Variants in ALPK1 observed in about 807,000 individuals in gnomAD.
ALPK1 encodes the protein alpha kinase 1, also known as alpha-protein kinase 1.
Under a neutral mutation model 120.6 loss-of-function variants are expected in ALPK1, and 110 were observed. The ratio of observed to expected loss-of-function variants is 0.91; its 90% confidence interval spans 0.78 to 1.07. The LOEUF (loss-of-function observed/expected upper bound fraction) is 1.07. Among genes scored for constraint, ALPK1 ranks in the 50% least tolerant of loss-of-function variants. The pLI is 0.00. For synonymous variants in ALPK1, 582 were observed against 560.3 expected, an observed-to-expected ratio of 1.04 and a Z score of -0.55; for missense variants, 1,498 against 1,483.9, an observed-to-expected ratio of 1.01 and a Z score of -0.16.
At position 112,430,716 on chromosome 4, in the gene ALPK1, A is replaced by G; in HGVS notation, c.1169A>G (p.Tyr390Cys). ...TGTAAGGAAGCAATGGGGAAGCTGT[A>G]CAATTTCAGCACTTCCTCCAGAAGT... ...QLCKEAMGKL[Y>C]NFSTSSRSQD... The change falls in exon 11 of 16, where the codon TAC becomes TGC. Residue 390 changes from tyrosine to cysteine, a missense_variant. Transcript: ENST00000650871. 6.2e-7 allele frequency: 1 copy of G among 1,614,250 alleles called. No individual in the cohort carries two copies. The highest frequency in any genetic ancestry group is 8.5e-7 in the Non-Finnish European group (1 of 1,180,046).
In ALPK1 at chr4:112,432,245, G is replaced by C. The variant is rs780458449; in HGVS notation, c.2698G>C (p.Val900Leu). ...SSVSGNILFP[V>L]LSEDCTTTEE... ...TGTAAGCGGTAACATCCTCTTCCCTGTCCTCAGCGAGGACTGCACTACCAC... is the reference window on the plus strand; with the variant it reads ...TGTAAGCGGTAACATCCTCTTCCCTCTCCTCAGCGAGGACTGCACTACCAC... The change falls in exon 11 of 16, where the codon GTC (valine) becomes CTC (leucine). Residue 900 changes from valine to leucine, a missense_variant. Coordinates refer to ENST00000650871, the MANE Select transcript of ALPK1 (RefSeq NM_025144.4). The C allele has an allele frequency of 8.7e-6, 14 of 1,614,054 alleles. No individual in the cohort carries two copies.
At position 112,441,780 on chromosome 4, in the gene ALPK1, T is replaced by C. The variant is rs1735049820; in HGVS notation, c.*570T>C. 6.5e-6 allele frequency: 1 copy of C among 152,696 alleles called. No homozygotes were observed. Among genetic ancestry groups the C allele is most frequent in the Non-Finnish European group, 1.5e-5 (1 of 68,412 alleles). The allele number at this position is 152,696 out of a possible 1,614,324, so 9.5% of individuals were successfully genotyped here. On this transcript the variant is annotated 3_prime_UTR_variant, in exon 16 of 16. Coordinates refer to ENST00000650871, the MANE Select transcript of ALPK1 (RefSeq NM_025144.4). ...TTTCTTTCTTTTTAATTCTCCTGTA[T>C]TTCCTTCTAGTATAATTAAATCTGT...
chr4:112,419,537 A>T (rs1733897303), intron 5 of ALPK1, among the ~76,000 whole-genome samples: 1 of 152,086 alleles, frequency 6.6e-6, no homozygotes, highest in South Asian at 2.1e-4. Context: ...GAAAGGAAGG[A>T]TGAAAGGAAA....
intron 2 of ALPK1, among the ~76,000 whole-genome samples, chr4:112,325,415 G>A (rs973760486): frequency 4.6e-5 from 7 of 152,110 alleles, no homozygotes; most frequent in Non-Finnish European, 1.0e-4. Context: ...ATGAAATATC[G>A]TATCCTCTCA....
chr4:112,429,006 C>T, intron 9 of ALPK1, 143 bp from the exon 10 acceptor site: 1 of 740,696 alleles, frequency 1.4e-6, no homozygotes, highest in South Asian at 1.5e-5. Flanking sequence ...GACCCACTTA[C>T]TCTTTCTTTA....
Position 112,430,507 on chromosome 4 carries a change from GA to G in ALPK1, c.965del (p.Asn322ThrfsTer90). 1.2e-6 allele frequency: 2 copies of G among 1,613,822 alleles called. No individual in the cohort carries two copies. Among genetic ancestry groups the G allele is most frequent in the Non-Finnish European group, 1.7e-6 (2 of 1,179,850 alleles). ...SSSNDCPPEL[K>X]NLHLCEAKEA... ...GTTCAAATGACTGTCCTCCAGAATT[GA>G]AAAACTTACATCTGTGTGAAGCCAA... On this transcript the variant is annotated frameshift_variant, in exon 11 of 16. Transcript: ENST00000650871. LOFTEE classifies it high-confidence loss of function.
chr4:112,438,491 G>A lies in ALPK1; in HGVS notation c.3196G>A (p.Gly1066Arg). The A allele has an allele frequency of 6.2e-7, 1 of 1,613,094 alleles. No homozygotes were observed. The highest frequency in any genetic ancestry group is 8.5e-7 in the Non-Finnish European group (1 of 1,179,462). The change falls in exon 13 of 16, where the codon GGG becomes AGG. Residue 1066 changes from glycine (G) to arginine (R), a missense_variant. Physicochemically the swap from Gly to Arg is moderately radical, Grantham distance 125 (BLOSUM62 -2). Transcript: ENST00000650871. ...GATTTTCTTTGTTCATAGGTATGTT[G>A]GGAAAGACTATAAGGAGCAGAAGGG... ...HQEEILGRYV[G>R]KDYKEQKGLW...
At chr4:112,426,198 A>G in intron 7 of ALPK1, 1 of 239,744 alleles carries the variant, frequency 4.2e-6, no homozygotes, top group Non-Finnish European at 7.9e-6. Flanking sequence ...GGCAATTATT[A>G]TTTTTGTAAA....
At chr4:112,338,385 A>T (rs1729718085) in intron 2 of ALPK1, among the ~76,000 whole-genome samples, 1 of 152,236 alleles carries the variant, frequency 6.6e-6, no homozygotes, top group Non-Finnish European at 1.5e-5. Context: ...TTTTTTCTAT[A>T]CTTTTTTTCT....
At chr4:112,435,116 A>G (rs763689072) in intron 11 of ALPK1, 32 bp from the exon 12 acceptor site, 2 of 1,592,914 alleles carry the variant, frequency 1.3e-6, no homozygotes, top group Non-Finnish European at 1.7e-6. Context: ...CCTTTTGAAA[A>G]TAAGATTCAT....
rs1187643030 is a variant in ALPK1 at position 112,442,109 on chromosome 4, C to G, written c.*899C>G. On this transcript the variant is annotated 3_prime_UTR_variant, in exon 16 of 16. Transcript: ENST00000650871. ...GTGCCAGCAGGGGAAATGCCAGATGCTTATAAAGCCATCAGATCTTGTGAG... is the reference window on the plus strand; with the variant it reads ...GTGCCAGCAGGGGAAATGCCAGATGGTTATAAAGCCATCAGATCTTGTGAG... The G allele has an allele frequency of 1.3e-5, 2 of 152,436 alleles. No homozygotes were observed. The highest frequency in any genetic ancestry group is 2.9e-5 in the Non-Finnish European group (2 of 68,268). The allele number at this position is 152,436 out of a possible 1,614,324, so 9.4% of individuals were successfully genotyped here. A position where few individuals can be genotyped will look rare whatever the true frequency, so the allele number is the denominator to read the frequency against.
intron 4 of ALPK1, among the ~76,000 whole-genome samples, chr4:112,385,139 C>T (rs1282900527): frequency 6.6e-6 from 1 of 152,148 alleles, no homozygotes; most frequent in African/African-American, 2.4e-5. Context: ...CACCAGATCC[C>T]CTGAGCCCTG....
intron 2 of ALPK1, among the ~76,000 whole-genome samples, chr4:112,328,339 A>G (rs1175651565): frequency 6.6e-6 from 1 of 152,264 alleles, no homozygotes; most frequent in Admixed American, 6.5e-5. Context: ...AGCAAGAAGT[A>G]TCAAATGGGG....
At chr4:112,397,093 T>G (rs1732686248) in intron 4 of ALPK1, among the ~76,000 whole-genome samples, 1 of 152,174 alleles carries the variant, frequency 6.6e-6, no homozygotes, top group Non-Finnish European at 1.5e-5. Flanking sequence ...CGTTGTTATC[T>G]TTACTTTATA....
chr4:112,377,931 C>A, intron 3 of ALPK1, 33 bp downstream of exon 3: 3 of 1,579,488 alleles, frequency 1.9e-6, no homozygotes, highest in Non-Finnish European at 2.6e-6. Context: ...CAGGGGTGAA[C>A]CAGCAGGTTC....
At chr4:112,338,186 C>T (rs754758690) in intron 2 of ALPK1, among the ~76,000 whole-genome samples, 1 of 152,156 alleles carries the variant, frequency 6.6e-6, no homozygotes, top group South Asian at 2.1e-4. Flanking sequence ...AGGCCAGTCT[C>T]GAACTCCTGA....
At chr4:112,341,387 G>A (rs1377556657) in intron 2 of ALPK1, among the ~76,000 whole-genome samples, 3 of 152,162 alleles carry the variant, frequency 2.0e-5, no homozygotes, top group African/African-American at 7.2e-5. Flanking sequence ...CTGTCATTAG[G>A]TGATGGCTTC....
At chr4:112,335,779 T>C (rs1270399801) in intron 2 of ALPK1, among the ~76,000 whole-genome samples, 1 of 152,206 alleles carries the variant, frequency 6.6e-6, no homozygotes, top group African/African-American at 2.4e-5. Context: ...TAAAGGGTCT[T>C]CCTCATTAAT....
intron 2 of ALPK1, among the ~76,000 whole-genome samples, chr4:112,330,094 G>A (rs1729299847): frequency 6.6e-6 from 1 of 152,218 alleles, no homozygotes; most frequent in African/African-American, 2.4e-5. Flanking sequence ...GAAGAGAGCA[G>A]CTTGGGTCCT....
Sources: gnomAD v4.1 joint callset for allele counts (sites outside exome capture counted in the v4.1 genomes callset) on GRCh38, gnomAD v4.1.1 for gene constraint, MANE v1.5 for transcripts, NCBI Gene and HGNC (gene_info 2026-07-23, HGNC 2026-07-21) for gene names.